Variants in LZTS1 observed in about 807,000 individuals in gnomAD.
The protein encoded by LZTS1 is leucine zipper putative tumor suppressor 1.
Under a neutral mutation model 45.8 loss-of-function variants are expected in LZTS1, and 31 were observed. The ratio of observed to expected loss-of-function variants is 0.68; its 90% CI spans 0.51 to 0.91. The LOEUF is 0.91. Ranked by LOEUF, LZTS1 falls within the 40% of genes least tolerant of loss-of-function variation. The pLI is 0.00. For missense variants in LZTS1, 821 were observed against 788.9 expected (o/e 1.04, Z -0.49); for synonymous variants, 359 against 357.3 (o/e 1.00, Z -0.05).
At chr8:20,292,132 C>T (rs1223122251) in intron 1 of LZTS1, among the ~76,000 whole-genome samples, 2 of 152,242 alleles carry the variant, frequency 1.3e-5, no homozygotes, top group Non-Finnish European at 2.9e-5. Flanking sequence ...GATGAAAACG[C>T]CTGAGCGGGT....
rs777353141 is a variant in LZTS1 at position 20,254,990 on chromosome 8, G to A, written c.192C>T (p.Asp64=). The change falls in exon 2 of 4, where the codon GAC becomes GAT. Residue 64 remains aspartate (D), a synonymous_variant. Transcript: ENST00000381569. ...KSSSKMGKSE[D]FFYIKVSQKA... Reference sequence around the variant, plus strand: ...TCTGGCTGACCTTGATGTAGAAGAAGTCTTCGCTCTTGCCCATTTTGGAGC... The same window carrying A: ...TCTGGCTGACCTTGATGTAGAAGAAATCTTCGCTCTTGCCCATTTTGGAGC... 26 of 1,614,096 alleles carry A rather than the reference G, an allele frequency of 1.6e-5. No individual in the cohort carries two copies. The Admixed American group carries it at 3.0e-4, about 19-fold the overall frequency.
chr8:20,267,277 C>A (rs1800379548), intron 1 of LZTS1, among the ~76,000 whole-genome samples: 2 of 152,090 alleles, frequency 1.3e-5, no homozygotes, highest in Non-Finnish European at 2.9e-5. Flanking sequence ...GTGCTGAGAG[C>A]CCAAGAGTGT....
Position 20,252,975 on chromosome 8 carries a change from T to C in LZTS1, c.956A>G (p.Gln319Arg), listed in dbSNP as rs1799975883. The C allele has an allele frequency of 1.3e-6, 2 of 1,586,170 alleles. No homozygotes were observed. The highest frequency in any genetic ancestry group is 1.7e-6 in the Non-Finnish European group (2 of 1,166,282). The change falls in exon 3 of 4, where the codon CAG becomes CGG. Residue 319 changes from glutamine to arginine, a missense_variant. By Grantham distance (43) the Gln-to-Arg change is conservative. Coordinates refer to ENST00000381569, the MANE Select transcript of LZTS1 (RefSeq NM_021020.5). ...CGCGCGCTGGCTCTTCTGCGAGGCC[T>C]GCTTGAGCTTGTTGCCGCCTTTGGG... ...PEPKGGNKLKQASQKSQRAQQ... is the reference protein window; with the variant it reads ...PEPKGGNKLKRASQKSQRAQQ...
At chr8:20,273,377 G>A (rs1004154515) in intron 1 of LZTS1, among the ~76,000 whole-genome samples, 2 of 152,030 alleles carry the variant, frequency 1.3e-5, no homozygotes, top group African/African-American at 4.8e-5. Flanking sequence ...TTTTTAGATC[G>A]TTATCTGCAG....
rs536068214 is a variant in LZTS1 at position 20,254,726 on chromosome 8, G to A, written c.345+111C>T. The A allele has an allele frequency of 1.5e-5, 13 of 860,446 alleles. No individual in the cohort carries two copies. The South Asian group carries it at 2.3e-4, about 15-fold the overall frequency. 53.3% of individuals were successfully genotyped at this position (860,446 alleles called of 1,614,324 possible). A position where few individuals can be genotyped will look rare whatever the true frequency, so the allele number is the denominator to read the frequency against. On this transcript the variant is annotated intron_variant, in intron 2 of 3. Coordinates refer to ENST00000381569, the MANE Select transcript of LZTS1 (RefSeq NM_021020.5). ...GCACCCCTGCCGCTCTGGTTTTGAGGAGTCTGAATGCTCAGGTCACCACTC... is the reference window on the plus strand; with the variant it reads ...GCACCCCTGCCGCTCTGGTTTTGAGAAGTCTGAATGCTCAGGTCACCACTC...
At chr8:20,289,060 C>G (rs987108071) in intron 1 of LZTS1, 32 of 135,466 alleles carry the variant, frequency 2.4e-4, no homozygotes, top group African/African-American at 8.2e-4. Context: ...TGGCCTCAAA[C>G]TCTTTTTACA....
intron 3 of LZTS1, among the ~76,000 whole-genome samples, chr8:20,250,999 A>G (rs2128891352): frequency 6.6e-6 from 1 of 150,642 alleles, no homozygotes; most frequent in East Asian, 2.0e-4. Flanking sequence ...CAACCCGATG[A>G]AGTAGGTACT....
intron 1 of LZTS1, among the ~76,000 whole-genome samples, chr8:20,257,413 T>G (rs1445010290): frequency 6.6e-6 from 1 of 152,068 alleles, no homozygotes; most frequent in Non-Finnish European, 1.5e-5. Flanking sequence ...TGAGAATTAG[T>G]CAATGCATTT....
chr8:20,261,133 G>A (rs1035154325), intron 1 of LZTS1, among the ~76,000 whole-genome samples: 2 of 152,120 alleles, frequency 1.3e-5, no homozygotes, highest in Non-Finnish European at 1.5e-5. Context: ...TATTTGGGGT[G>A]AAAATAAGAA....
At chr8:20,253,659 G>C (rs915141510) in intron 2 of LZTS1, 74 bp from the exon 3 acceptor site, 1 of 1,243,414 alleles carries the variant, frequency 8.0e-7, no homozygotes, top group South Asian at 1.7e-5. Context: ...CCAGGCACGC[G>C]TGCCGACCTT....
At chr8:20,301,417 T>C (rs1022066656) in intron 1 of LZTS1, among the ~76,000 whole-genome samples, 7 of 152,152 alleles carry the variant, frequency 4.6e-5, no homozygotes, top group African/African-American at 1.7e-4. Context: ...ACAGTGGATT[T>C]AGTGGCTGGC....
intron 1 of LZTS1, among the ~76,000 whole-genome samples, chr8:20,300,051 C>G (rs1250567785): frequency 6.6e-6 from 1 of 152,124 alleles, no homozygotes; most frequent in Non-Finnish European, 1.5e-5. Flanking sequence ...GGTTGATTGA[C>G]CTGGAGATAG....
intron 1 of LZTS1, among the ~76,000 whole-genome samples, chr8:20,297,237 A>T (rs1156886546): frequency 1.3e-5 from 2 of 152,250 alleles, no homozygotes; most frequent in Non-Finnish European, 1.5e-5. Context: ...ATGAAATGTC[A>T]TTAATTCAAA....
At chr8:20,260,489 A>C (rs550350503) in intron 1 of LZTS1, among the ~76,000 whole-genome samples, 3 of 152,142 alleles carry the variant, frequency 2.0e-5, no homozygotes, top group Non-Finnish European at 4.4e-5. Context: ...AAATGCCACA[A>C]TCTCCATGCT....
intron 1 of LZTS1, among the ~76,000 whole-genome samples, chr8:20,267,426 G>C (rs922611201): frequency 6.6e-5 from 10 of 152,122 alleles, no homozygotes; most frequent in African/African-American, 2.4e-4. Flanking sequence ...CCACTTACTG[G>C]GCCCTGCCTA....
At chr8:20,261,346 C>T (rs770214042) in intron 1 of LZTS1, among the ~76,000 whole-genome samples, 29 of 152,188 alleles carry the variant, frequency 1.9e-4, no homozygotes, top group Non-Finnish European at 7.3e-5. Flanking sequence ...GACCATCCAG[C>T]CTACCCTTCT....
In LZTS1 at chr8:20,250,023, A is replaced by T; in HGVS notation, c.1490T>A (p.Val497Asp). ...DMGPPTFPED[V>D]PALQRELERL... ...CTCCAGCTCCCGCTGCAGGGCAGGG[A>T]CGTCCTCGGGGAAGGTGGGCGGCCC... The change falls in exon 4 of 4, where the codon GTC becomes GAC. Residue 497 changes from valine (V) to aspartate (D), a missense_variant. Transcript: ENST00000381569. 6.2e-7 allele frequency: 1 copy of T among 1,611,708 alleles called. No individual in the cohort carries two copies.
chr8:20,255,989 C>T (rs796182514), intron 1 of LZTS1, among the ~76,000 whole-genome samples: 10 of 138,724 alleles, frequency 7.2e-5, no homozygotes, highest in Non-Finnish European at 1.1e-4. Context: ...GTGGGAGAAT[C>T]GTCTGAGCCC....
chr8:20,255,335 A>G lies in LZTS1; in HGVS notation c.-134-20T>C, dbSNP rs1800072402. 4 of 1,432,974 alleles carry G rather than the reference A, an allele frequency of 2.8e-6. No homozygotes were observed. Among genetic ancestry groups the G allele is most frequent in the Admixed American group, 5.7e-5 (2 of 35,230 alleles). 88.8% of individuals were successfully genotyped at this position (1,432,974 alleles called of 1,614,324 possible). On this transcript the variant is annotated intron_variant, in intron 1 of 3. Transcript: ENST00000381569. ...GTAGACCTGGAAGAAGACACAAGAC[A>G]GAAGTCAGCGTGGGTGGGAGTGGTC... is the stretch of plus-strand genomic sequence containing the variant.
Sources: allele counts gnomAD v4.1 joint callset (sites outside exome capture counted in the v4.1 genomes callset), GRCh38; gene constraint gnomAD v4.1.1; transcripts MANE v1.5; gene names NCBI Gene and HGNC (gene_info 2026-07-23, HGNC 2026-07-21).